Variants in CCDC3 observed in about 807,000 individuals in gnomAD.
CCDC3 encodes coiled-coil domain-containing protein 3.
Under a neutral mutation model 21.4 loss-of-function variants are expected in CCDC3, and 24 were observed. The observed-to-expected ratio is 1.12, with a 90% CI of 0.81 to 1.58. The LOEUF is 1.58. Ranked by LOEUF, CCDC3 falls within the 40% of genes most tolerant of loss-of-function variation. The pLI is 0.00. For synonymous variants in CCDC3, 186 were observed against 166.0 expected (o/e 1.12, Z -0.93); for missense variants, 425 against 360.9 (o/e 1.18, Z -1.44).
chr10:12,901,538 G>A (rs189634219), intron 2 of CCDC3, among the ~76,000 whole-genome samples: 77 of 152,284 alleles, frequency 5.1e-4, no homozygotes, highest in African/African-American at 1.8e-3. Flanking sequence ...CTCCCAAAGT[G>A]CTGGGAGTAC....
At chr10:13,089,636 T>C (rs1387506615) in intron 3 of CCDC3, among the ~76,000 whole-genome samples, 4 of 152,062 alleles carry the variant, frequency 2.6e-5, no homozygotes, top group Non-Finnish European at 5.9e-5. Context: ...CCCCCTTAAA[T>C]TGGAGGAATT....
At chr10:13,020,822 C>A (rs1459423596) in intron 5 of CCDC3, among the ~76,000 whole-genome samples, 2 of 152,012 alleles carry the variant, frequency 1.3e-5, no homozygotes, top group African/African-American at 2.4e-5. Context: ...ATTCATCTTA[C>A]AATGACTATG....
intron 2 of CCDC3, among the ~76,000 whole-genome samples, chr10:12,942,436 C>G (rs1356867686): frequency 1.3e-5 from 2 of 152,146 alleles, no homozygotes; most frequent in Non-Finnish European, 2.9e-5. Context: ...TAAGAAAGAA[C>G]AGTCTGCAAA....
intron 4 of CCDC3, among the ~76,000 whole-genome samples, chr10:13,072,703 T>C (rs72478299): frequency 0.2 from 30,613 of 151,474 alleles, 3,700 homozygotes; most frequent in East Asian, 0.29. Context: ...TTTTGCCCAA[T>C]AAAATGCTGC....
At chr10:13,037,390 T>A (rs1428645613) in intron 5 of CCDC3, among the ~76,000 whole-genome samples, 1 of 152,160 alleles carries the variant, frequency 6.6e-6, no homozygotes, top group Admixed American at 6.5e-5. Context: ...ACAAAATTAA[T>A]CATCTGACAC....
chr10:13,014,257 T>G (rs1228840468), intron 5 of CCDC3, among the ~76,000 whole-genome samples: 1 of 151,106 alleles, frequency 6.6e-6, no homozygotes, highest in Non-Finnish European at 1.5e-5. Context: ...ATTGAGACCA[T>G]CCTGGCTACT....
At chr10:13,028,198 T>A (rs958009727) in intron 5 of CCDC3, among the ~76,000 whole-genome samples, 3 of 152,150 alleles carry the variant, frequency 2.0e-5, no homozygotes, top group African/African-American at 7.2e-5. Flanking sequence ...GTTTTTCCCA[T>A]ACCGTTCTCA....
At chr10:12,950,989 T>C (rs1168587285) in intron 2 of CCDC3, among the ~76,000 whole-genome samples, 1 of 152,168 alleles carries the variant, frequency 6.6e-6, no homozygotes, top group Non-Finnish European at 1.5e-5. Context: ...ACACGAAGGT[T>C]GAGCTTTCTC....
At chr10:13,019,462 C>G (rs534016151) in intron 5 of CCDC3, among the ~76,000 whole-genome samples, 1 of 152,120 alleles carries the variant, frequency 6.6e-6, no homozygotes, top group African/African-American at 2.4e-5. Flanking sequence ...TGGTTTTTCA[C>G]GTGCACACAG....
intron 2 of CCDC3, among the ~76,000 whole-genome samples, chr10:12,952,999 A>G (rs942355393): frequency 1.3e-5 from 2 of 152,144 alleles, no homozygotes; most frequent in African/African-American, 4.8e-5. Context: ...GAAGGGAGGG[A>G]GGGGTAATCC....
chr10:13,098,734 T>TTTTTTTTTTTTTAAG, intron 2 of CCDC3: 1 of 86,336 alleles, frequency 1.2e-5, no homozygotes, highest in Non-Finnish European at 2.6e-5. Context: ...TTTTTTTTTT[T>TTTTTTTTTTTTTAAG]GAGACGGAGT....
intron 5 of CCDC3, among the ~76,000 whole-genome samples, chr10:13,014,530 C>G (rs1369122546): frequency 6.6e-6 from 1 of 150,940 alleles, no homozygotes; most frequent in Non-Finnish European, 1.5e-5. Context: ...ACACACAATT[C>G]TGAATTAGAT....
intron 4 of CCDC3, among the ~76,000 whole-genome samples, chr10:13,053,162 C>T (rs1344480067): frequency 6.6e-6 from 1 of 152,152 alleles, no homozygotes; most frequent in African/African-American, 2.4e-5. Flanking sequence ...TCCTCTAATG[C>T]AAACAACTAA....
intron 2 of CCDC3, among the ~76,000 whole-genome samples, chr10:12,906,201 C>G (rs1240668244): frequency 2.6e-5 from 4 of 152,208 alleles, no homozygotes; most frequent in Non-Finnish European, 4.4e-5. Flanking sequence ...TGGGAAGTGA[C>G]AGCAGGGAAG....
At chr10:13,012,706 C>T (rs1051065155) in intron 5 of CCDC3, among the ~76,000 whole-genome samples, 9 of 151,780 alleles carry the variant, frequency 5.9e-5, no homozygotes, top group South Asian at 2.1e-4. Context: ...GGGAGGCAGA[C>T]GTTGCAGTGA....
intron 3 of CCDC3, among the ~76,000 whole-genome samples, chr10:13,086,610 C>T (rs750965493): frequency 1.1e-4 from 16 of 152,122 alleles, no homozygotes; most frequent in Non-Finnish European, 2.4e-4. Flanking sequence ...CCACGCCCCA[C>T]TAATTTTTTG....
At chr10:13,024,902 C>T (rs932728022) in intron 5 of CCDC3, among the ~76,000 whole-genome samples, 1 of 152,148 alleles carries the variant, frequency 6.6e-6, no homozygotes, top group Non-Finnish European at 1.5e-5. Context: ...TCCTCATTGC[C>T]CTTCTAGCCC....
At chr10:12,982,625 C>A (rs555031495) in intron 2 of CCDC3, among the ~76,000 whole-genome samples, 2 of 150,800 alleles carry the variant, frequency 1.3e-5, no homozygotes, top group Admixed American at 1.3e-4. Context: ...GAAATCCCAT[C>A]TCTACTAAAA....
At chr10:13,063,043 C>T (rs61851362) in intron 4 of CCDC3, among the ~76,000 whole-genome samples, 2 of 125,020 alleles carry the variant, frequency 1.6e-5, no homozygotes, top group Middle Eastern at 7.8e-3. Flanking sequence ...GCACTCCTGG[C>T]TCACTGGCTT....
Sources: gnomAD v4.1 joint callset for allele counts (sites outside exome capture counted in the v4.1 genomes callset) on GRCh38, gnomAD v4.1.1 for gene constraint, MANE v1.5 for transcripts, NCBI Gene and HGNC (gene_info 2026-07-23, HGNC 2026-07-21) for gene names.